GABRR3: variants seen among roughly 807,000 people sequenced by gnomAD.
GABRR3 encodes gamma-aminobutyric acid type A receptor subunit rho3.
GABRR3 carries 29 observed loss-of-function variants against 43.2 expected under a neutral mutation model. The ratio of observed to expected loss-of-function variants is 0.67; its 90% confidence interval spans 0.50 to 0.92. GABRR3 has a LOEUF of 0.92. Among genes scored for constraint, GABRR3 ranks in the 40% least tolerant of loss-of-function variants. The pLI is 0.00. For synonymous variants in GABRR3, 206 were observed against 195.9 expected (o/e 1.05, Z -0.43); for missense variants, 576 against 572.3 (o/e 1.01, Z -0.07).
At chr3:98,017,228 G>T (rs1477002972) in intron 4 of GABRR3, among the ~76,000 whole-genome samples, 1 of 152,114 alleles carries the variant, frequency 6.6e-6, no homozygotes, top group Non-Finnish European at 1.5e-5. Context: ...CTACAGATAA[G>T]CAAAATTAAT....
intron 8 of GABRR3, chr3:97,998,789 T>C (rs1559774914): frequency 6.6e-6 from 1 of 152,178 alleles, no homozygotes; most frequent in Non-Finnish European, 1.5e-5. Flanking sequence ...CCACTCTTCC[T>C]ACTAAATGTT....
In GABRR3 at chr3:98,035,148, G is replaced by C. The variant is rs373300420; in HGVS notation, c.-3+42C>G. The C allele has an allele frequency of 4.8e-6, 4 of 826,486 alleles. No homozygotes were observed. In the African/African-American group the frequency reaches 5.2e-5, roughly 11 times the overall value. The allele number at this position is 826,486 out of a possible 1,614,324, so 51.2% of individuals were successfully genotyped here. On this transcript the variant is annotated intron_variant, in intron 1 of 9. Coordinates refer to ENST00000621172, the Ensembl canonical transcript of GABRR3. Reference sequence around the variant, plus strand: ...GTCTTCAATGCTGCACTTTGTTTTAGCAGATTAAATTGACTCACAGCACTT... The same window carrying C: ...GTCTTCAATGCTGCACTTTGTTTTACCAGATTAAATTGACTCACAGCACTT...
chr3:97,989,674 C>T (rs554993768), intron 9 of GABRR3, among the ~76,000 whole-genome samples: 10 of 152,130 alleles, frequency 6.6e-5, no homozygotes, highest in Non-Finnish European at 1.2e-4. Context: ...GAAACTGGCA[C>T]GTTTAGCTCT....
At chr3:97,986,968 G>A (rs748326571) in exon 10 of GABRR3, 1 of 1,590,202 alleles carries the variant, frequency 6.3e-7, no homozygotes, top group Non-Finnish European at 8.5e-7. Context: ...CATCAATATT[G>A]TACATCCTAG....
At chr3:98,016,807 A>G (rs951482147) in intron 4 of GABRR3, among the ~76,000 whole-genome samples, 17 of 152,238 alleles carry the variant, frequency 1.1e-4, no homozygotes, top group Admixed American at 1.1e-3. Flanking sequence ...TGAAAAACCT[A>G]AAATCACTTA....
At chr3:98,003,416 C>CT (rs35589224) in intron 7 of GABRR3, among the ~76,000 whole-genome samples, 74,426 of 133,402 alleles carry the variant, frequency 0.56, 20,660 homozygotes, top group East Asian at 0.73. Context: ...AACAGTTGTC[C>CT]TTTTTTTTTT....
intron 4 of GABRR3, among the ~76,000 whole-genome samples, chr3:98,017,330 C>T (rs1278601859): frequency 6.6e-6 from 1 of 152,140 alleles, no homozygotes; most frequent in Non-Finnish European, 1.5e-5. Flanking sequence ...TTTCATATCG[C>T]ACATATAGTA....
At chr3:97,999,581 T>A (rs1300754854) in intron 8 of GABRR3, 1 of 150,410 alleles carries the variant, frequency 6.6e-6, no homozygotes, top group Non-Finnish European at 1.5e-5. Context: ...ACTTAAGGAG[T>A]GGAAGAAAAA....
Position 98,006,861 on chromosome 3 carries a change from A to G in GABRR3, c.754+903T>C, listed in dbSNP as rs144632722. 9.3e-4 allele frequency among the ~76,000 whole-genome samples: 141 copies of G among 152,326 alleles called. 1 individual carries two copies. Among genetic ancestry groups the G allele is most frequent in the African/African-American group, 3.2e-3 (133 of 41,562 alleles). Reference sequence around the variant, plus strand: ...TATAACTTTAAAAGGTGTCTTGGATAAAAGTTGTCAATTCAGAAATATATC... The same window carrying G: ...TATAACTTTAAAAGGTGTCTTGGATGAAAGTTGTCAATTCAGAAATATATC... On this transcript the variant is annotated intron_variant, in intron 7 of 9. Transcript: ENST00000621172.
intron 7 of GABRR3, among the ~76,000 whole-genome samples, chr3:98,003,690 T>C (rs1299451965): frequency 6.6e-6 from 1 of 152,146 alleles, no homozygotes; most frequent in Admixed American, 6.5e-5. Context: ...TCTGAGCAAG[T>C]TAATAAAAAG....
chr3:98,011,652 C>T (rs1356755801), intron 5 of GABRR3, among the ~76,000 whole-genome samples: 1 of 151,666 alleles, frequency 6.6e-6, no homozygotes. Context: ...TTCACAGGTT[C>T]CAGGAATTAG....
At chr3:97,992,498 A>G (rs1183716408) in intron 9 of GABRR3, among the ~76,000 whole-genome samples, 4 of 152,182 alleles carry the variant, frequency 2.6e-5, no homozygotes, top group African/African-American at 9.7e-5. Context: ...GCCAATATAT[A>G]ATAACCCCCC....
intron 7 of GABRR3, among the ~76,000 whole-genome samples, chr3:98,004,795 G>A (rs1451118789): frequency 6.6e-6 from 1 of 151,928 alleles, no homozygotes; most frequent in Non-Finnish European, 1.5e-5. Flanking sequence ...ACCTGGGAGT[G>A]GTGGTTGTGG....
chr3:97,987,528 T>C (rs988648912), intron 9 of GABRR3, among the ~76,000 whole-genome samples: 26 of 152,194 alleles, frequency 1.7e-4, no homozygotes, highest in African/African-American at 5.8e-4. Flanking sequence ...TCTTGATTCA[T>C]AGGAAAATTC....
At chr3:98,023,007 G>A (rs977722051) in intron 3 of GABRR3, among the ~76,000 whole-genome samples, 28 of 152,268 alleles carry the variant, frequency 1.8e-4, no homozygotes, top group African/African-American at 5.1e-4. Context: ...TAAGATAAGA[G>A]AGGAGAGTTG....
intron 9 of GABRR3, among the ~76,000 whole-genome samples, chr3:97,989,365 G>A (rs1296462331): frequency 6.6e-6 from 1 of 150,506 alleles, no homozygotes; most frequent in African/African-American, 2.4e-5. Flanking sequence ...GTGGTGTGTG[G>A]TGGTGTTTGA....
downstream of GABRR3, among the ~76,000 whole-genome samples, chr3:97,985,492 C>T (rs985811265): frequency 6.6e-5 from 10 of 152,212 alleles, no homozygotes; most frequent in Admixed American, 2.0e-4. Context: ...TCAGAATTCA[C>T]ACCAGACAGT....
intron 3 of GABRR3, among the ~76,000 whole-genome samples, chr3:98,025,019 T>G (rs1409241307): frequency 6.6e-6 from 1 of 152,224 alleles, no homozygotes; most frequent in Non-Finnish European, 1.5e-5. Context: ...GTGTTCACAT[T>G]GCAATATTAA....
chr3:98,026,602 GTCATCATCATCA>G (rs367904103), intron 2 of GABRR3, among the ~76,000 whole-genome samples: 28 of 101,528 alleles, frequency 2.8e-4, no homozygotes, highest in Non-Finnish European at 4.4e-4. Context: ...AAAGGTGGCT[GTCATCATCATCA>G]TCATCATCAT....
Sources: gnomAD v4.1 joint callset for allele counts (sites outside exome capture counted in the v4.1 genomes callset) on GRCh38, gnomAD v4.1.1 for gene constraint, MANE v1.5 for transcripts, NCBI Gene and HGNC (gene_info 2026-07-23, HGNC 2026-07-21) for gene names.